Variants in KCNMA1 observed in about 807,000 individuals in gnomAD.
KCNMA1 encodes potassium calcium-activated channel subfamily M alpha 1.
In KCNMA1, 29 loss-of-function variants were observed where a neutral mutation model predicts 140.0. The ratio of observed to expected loss-of-function variants is 0.21; its 90% confidence interval spans 0.15 to 0.28. The LOEUF (loss-of-function observed/expected upper bound fraction) is 0.28. Ranked by LOEUF, KCNMA1 falls within the 10% of genes least tolerant of loss-of-function variation. The pLI, the probability that KCNMA1 is intolerant of heterozygous loss-of-function variation, is 1.00. For synonymous variants in KCNMA1, 612 were observed against 611.9 expected (o/e 1.00, Z 0.00); for missense variants, 880 against 1,602.2 (o/e 0.55, Z 7.70).
chr10:77,014,515 A>G (rs2091587344), intron 17 of KCNMA1, among the ~76,000 whole-genome samples: 1 of 151,800 alleles, frequency 6.6e-6, no homozygotes, highest in African/African-American at 2.4e-5. Context: ...ATTGAACAAT[A>G]GATTTCTTGA....
chr10:77,445,491 G>A (rs538778034), intron 1 of KCNMA1, among the ~76,000 whole-genome samples: 93 of 152,114 alleles, frequency 6.1e-4, no homozygotes, highest in Middle Eastern at 3.4e-3. Flanking sequence ...TTGCAACAAG[G>A]TCCAAGGTCC....
chr10:77,022,710 AT>A (rs1041685256), intron 16 of KCNMA1, among the ~76,000 whole-genome samples: 25 of 152,192 alleles, frequency 1.6e-4, no homozygotes, highest in African/African-American at 5.8e-4. Context: ...AATAAAAAAA[AT>A]AAGTTTTTAA....
intron 1 of KCNMA1, among the ~76,000 whole-genome samples, chr10:77,518,057 C>T (rs377677527): frequency 3.9e-5 from 6 of 152,292 alleles, no homozygotes; most frequent in African/African-American, 1.4e-4. Flanking sequence ...GTTCCACACA[C>T]CTGAAGTACT....
At chr10:77,606,551 A>T (rs1246119043) in intron 1 of KCNMA1, among the ~76,000 whole-genome samples, 1 of 152,178 alleles carries the variant, frequency 6.6e-6, no homozygotes, top group Non-Finnish European at 1.5e-5. Context: ...TCAAGGCTGC[A>T]GTAAGTTATG....
Position 77,595,325 on chromosome 10 carries a change from T to C in KCNMA1, c.378+41940A>G, listed in dbSNP as rs186925925. On this transcript the variant is annotated intron_variant, in intron 1 of 27. Coordinates refer to ENST00000286628, the MANE Select transcript of KCNMA1 (RefSeq NM_001161352.2). Reference sequence around the variant, plus strand: ...TCACGCCACTGCACTCCAGCCTGGGTTACAGAGCAAGACTCTGTCTCAAAA... The same window carrying C: ...TCACGCCACTGCACTCCAGCCTGGGCTACAGAGCAAGACTCTGTCTCAAAA... Among the ~76,000 whole-genome samples the C allele has an allele frequency of 1.7e-3, 192 of 115,166 alleles. 5 individuals are homozygous for C. In the East Asian group the frequency reaches 0.039, roughly 23 times the overall value. The allele number at this position is 115,166 out of a possible 152,430, so 75.6% of individuals were successfully genotyped here. A position where few individuals can be genotyped will look rare whatever the true frequency, so the allele number is the denominator to read the frequency against.
At chr10:77,186,777 ATGTG>A (rs10594438) in intron 3 of KCNMA1, among the ~76,000 whole-genome samples, 46,016 of 144,820 alleles carry the variant, frequency 0.32, 7,552 homozygotes, top group East Asian at 0.63. Flanking sequence ...TAAAGAGTAA[ATGTG>A]TGTGTGTGTG....
At chr10:77,210,067 G>C (rs540524991) in intron 3 of KCNMA1, among the ~76,000 whole-genome samples, 2 of 152,138 alleles carry the variant, frequency 1.3e-5, no homozygotes, top group South Asian at 4.2e-4. Context: ...ATTCTATGAA[G>C]CCAGCATCAT....
chr10:77,367,429 GCCTAAC>G (rs1343606399), intron 2 of KCNMA1, among the ~76,000 whole-genome samples: 2 of 152,132 alleles, frequency 1.3e-5, no homozygotes, highest in African/African-American at 4.8e-5. Flanking sequence ...CCTCTGTAGA[GCCTAAC>G]CCCCTCCACT....
chr10:77,419,899 G>C (rs1465968932), intron 1 of KCNMA1, among the ~76,000 whole-genome samples: 1 of 152,198 alleles, frequency 6.6e-6, no homozygotes, highest in Non-Finnish European at 1.5e-5. Context: ...GAAGAAGAAA[G>C]TGAAGAGGTC....
chr10:77,348,428 C>T (rs575064121), intron 2 of KCNMA1, among the ~76,000 whole-genome samples: 1 of 152,298 alleles, frequency 6.6e-6, no homozygotes, highest in Admixed American at 6.5e-5. Context: ...TGTATGCCTG[C>T]AGACCTGGAC....
intron 2 of KCNMA1, among the ~76,000 whole-genome samples, chr10:77,379,738 T>G (rs1410412753): frequency 6.6e-6 from 1 of 152,270 alleles, no homozygotes; most frequent in Non-Finnish European, 1.5e-5. Context: ...AATTGTTTCC[T>G]TAATGACATA....
At chr10:77,047,933 T>C (rs1454839403) in intron 14 of KCNMA1, among the ~76,000 whole-genome samples, 1 of 152,004 alleles carries the variant, frequency 6.6e-6, no homozygotes, top group African/African-American at 2.4e-5. Flanking sequence ...CCATCTGAGG[T>C]GAGGGACCAG....
At position 77,116,716 on chromosome 10, in the gene KCNMA1, C is replaced by A. The variant is rs953969098; in HGVS notation, c.884+4257G>T. On this transcript the variant is annotated intron_variant, in intron 6 of 27. Transcript: ENST00000286628. ...CTCTAGATCCCTTCTTCTTTCTCTG[C>A]CCCAATTTGCACTGCCTAAGGCCAT... is the stretch of plus-strand genomic sequence containing the variant. 4.6e-5 allele frequency among the ~76,000 whole-genome samples: 7 copies of A among 152,112 alleles called. No individual in the cohort carries two copies. The South Asian group carries it at 8.3e-4, about 18-fold the overall frequency.
chr10:77,378,399 A>G (rs2095257024), intron 2 of KCNMA1, among the ~76,000 whole-genome samples: 1 of 152,244 alleles, frequency 6.6e-6, no homozygotes, highest in South Asian at 2.1e-4. Context: ...AGGGAGAGGA[A>G]GGAAAATCTG....
intron 1 of KCNMA1, among the ~76,000 whole-genome samples, chr10:77,466,399 G>A (rs1053892176): frequency 1.3e-5 from 2 of 152,208 alleles, no homozygotes; most frequent in African/African-American, 4.8e-5. Context: ...AGGATGGTTA[G>A]AGAGCCCAAA....
At chr10:77,567,087 G>C (rs1040641334) in intron 1 of KCNMA1, among the ~76,000 whole-genome samples, 2 of 152,126 alleles carry the variant, frequency 1.3e-5, no homozygotes, top group East Asian at 3.9e-4. Context: ...GGCAGATACC[G>C]TCCTCTAGAA....
At chr10:77,468,592 TGA>T (rs1308390470) in intron 1 of KCNMA1, among the ~76,000 whole-genome samples, 1 of 152,050 alleles carries the variant, frequency 6.6e-6, no homozygotes, top group Non-Finnish European at 1.5e-5. Context: ...CACAAGGCAA[TGA>T]GAGAGTCCTG....
intron 2 of KCNMA1, among the ~76,000 whole-genome samples, chr10:77,282,476 A>T (rs2069004285): frequency 6.6e-6 from 1 of 152,140 alleles, no homozygotes; most frequent in African/African-American, 2.4e-5. Flanking sequence ...TTCTTCTCGG[A>T]AGCCTTTGTT....
chr10:76,951,951 T>C, intron 21 of KCNMA1: 3 of 1,272,834 alleles, frequency 2.4e-6, no homozygotes, highest in Non-Finnish European at 3.3e-6. Flanking sequence ...CTCCAGTAAC[T>C]AGAATGGTGT....
Sources: gnomAD v4.1 joint callset for allele counts (sites outside exome capture counted in the v4.1 genomes callset) on GRCh38, gnomAD v4.1.1 for gene constraint, MANE v1.5 for transcripts, NCBI Gene and HGNC (gene_info 2026-07-23, HGNC 2026-07-21) for gene names.